Variants in COLGALT2 observed in about 807,000 individuals in gnomAD.
COLGALT2 encodes the protein procollagen galactosyltransferase 2.
Under a neutral mutation model 73.4 loss-of-function variants are expected in COLGALT2, and 49 were observed. The observed-to-expected ratio is 0.67, with a 90% CI of 0.53 to 0.85. COLGALT2 has a LOEUF of 0.85. Among genes scored for constraint, COLGALT2 ranks in the 40% least tolerant of loss-of-function variants. The pLI is 0.00. For missense variants in COLGALT2, 722 were observed against 790.2 expected, an observed-to-expected ratio of 0.91 and a Z score of 1.03; for synonymous variants, 295 against 307.6, an observed-to-expected ratio of 0.96 and a Z score of 0.43.
intron 1 of COLGALT2, among the ~76,000 whole-genome samples, chr1:184,013,262 C>T (rs1249850221): frequency 6.6e-6 from 1 of 152,206 alleles, no homozygotes; most frequent in Non-Finnish European, 1.5e-5. Context: ...TTGCAGCGAG[C>T]CAAGACTGTG....
intron 1 of COLGALT2, among the ~76,000 whole-genome samples, chr1:184,014,882 C>T (rs1051869635): frequency 1.3e-5 from 2 of 152,024 alleles, no homozygotes; most frequent in South Asian, 2.1e-4. Flanking sequence ...CTGAAAATGT[C>T]CATGGAAATG....
intron 1 of COLGALT2, among the ~76,000 whole-genome samples, chr1:183,986,893 C>A (rs1671504493): frequency 6.6e-6 from 1 of 152,078 alleles, no homozygotes; most frequent in Non-Finnish European, 1.5e-5. Context: ...TCCCTCAACA[C>A]CCACCCTCCC....
At chr1:183,992,126 C>G (rs948832582) in intron 1 of COLGALT2, among the ~76,000 whole-genome samples, 2 of 152,174 alleles carry the variant, frequency 1.3e-5, no homozygotes, top group African/African-American at 4.8e-5. Flanking sequence ...CTCATTTAAT[C>G]CTCACAGCAA....
intron 11 of COLGALT2, among the ~76,000 whole-genome samples, chr1:183,930,526 C>T (rs1669820858): frequency 6.6e-6 from 1 of 151,036 alleles, no homozygotes; most frequent in Admixed American, 6.6e-5. Flanking sequence ...GTAGCTGGGA[C>T]TACATCCGCA....
At chr1:184,019,351 G>A (rs907643884) in intron 1 of COLGALT2, among the ~76,000 whole-genome samples, 2 of 152,170 alleles carry the variant, frequency 1.3e-5, no homozygotes, top group African/African-American at 2.4e-5. Flanking sequence ...TCAGGACAGA[G>A]CTAATGGGTT....
At chr1:183,972,541 T>C (rs577293709) in intron 4 of COLGALT2, among the ~76,000 whole-genome samples, 2 of 152,060 alleles carry the variant, frequency 1.3e-5, no homozygotes, top group Non-Finnish European at 2.9e-5. Context: ...GACCACTATT[T>C]TGAAGATTTT....
downstream of COLGALT2, among the ~76,000 whole-genome samples, chr1:183,931,725 C>A (rs185058584): frequency 6.6e-6 from 1 of 151,398 alleles, no homozygotes; most frequent in African/African-American, 2.4e-5. Context: ...TTATTTCATA[C>A]CAAAGCATCA....
At chr1:183,963,351 TAATGAAACAAC>T (rs1670770273) in intron 6 of COLGALT2, among the ~76,000 whole-genome samples, 1 of 152,214 alleles carries the variant, frequency 6.6e-6, no homozygotes, top group African/African-American at 2.4e-5. Context: ...TTGCAAGGAT[TAATGAAACAAC>T]AATGAAACAG....
exon 12 of COLGALT2, chr1:183,930,134 A>T: frequency 2.2e-6 from 1 of 450,636 alleles, no homozygotes; most frequent in South Asian, 1.6e-5. Context: ...AGTACAGGGG[A>T]GGTGGGAAAT....
intron 1 of COLGALT2, among the ~76,000 whole-genome samples, chr1:184,000,986 C>T (rs375607540): frequency 2.6e-5 from 4 of 152,188 alleles, no homozygotes; most frequent in Admixed American, 2.0e-4. Flanking sequence ...CCCGCCACCA[C>T]GCCTGGCTAA....
At chr1:183,999,836 A>AT (rs1337506119) in intron 1 of COLGALT2, among the ~76,000 whole-genome samples, 1 of 152,084 alleles carries the variant, frequency 6.6e-6, no homozygotes, top group Non-Finnish European at 1.5e-5. Flanking sequence ...GACCAGTCTT[A>AT]CCAGGATTTT....
chr1:184,031,643 T>A (rs1292249889), intron 1 of COLGALT2, among the ~76,000 whole-genome samples: 1 of 152,218 alleles, frequency 6.6e-6, no homozygotes, highest in Non-Finnish European at 1.5e-5. Flanking sequence ...ACATCCTGGC[T>A]CCACCATGCA....
chr1:183,939,374 G>A (rs1262345188), intron 11 of COLGALT2, among the ~76,000 whole-genome samples: 2 of 152,144 alleles, frequency 1.3e-5, no homozygotes, highest in Non-Finnish European at 2.9e-5. Flanking sequence ...GCCCTGCTTT[G>A]GGATTAATAA....
At chr1:184,000,224 A>G (rs1671880084) in intron 1 of COLGALT2, among the ~76,000 whole-genome samples, 1 of 152,002 alleles carries the variant, frequency 6.6e-6, no homozygotes, top group Non-Finnish European at 1.5e-5. Flanking sequence ...TTTGGCCTCT[A>G]TGTGTCTATT....
intron 1 of COLGALT2, among the ~76,000 whole-genome samples, chr1:183,987,274 C>T (rs1014807671): frequency 6.6e-6 from 1 of 152,128 alleles, no homozygotes; most frequent in Non-Finnish European, 1.5e-5. Flanking sequence ...CTTTTTCACC[C>T]ACTCATCATG....
intron 1 of COLGALT2, among the ~76,000 whole-genome samples, chr1:184,027,945 G>A (rs1242122591): frequency 1.3e-5 from 2 of 152,034 alleles, no homozygotes; most frequent in East Asian, 1.9e-4. Context: ...ATACTCTCCC[G>A]CCCAACCTGT....
In COLGALT2 at chr1:183,962,127, GTTTTC is replaced by G. The variant is rs1376887394; in HGVS notation, c.952+1769_952+1773del. Among the ~76,000 whole-genome samples, 63 of 121,806 alleles carry G rather than the reference GTTTTC, an allele frequency of 5.2e-4. 1 individual carries two copies. Among genetic ancestry groups the G allele is most frequent in the Non-Finnish European group, 6.6e-4 (37 of 56,222 alleles). The allele number at this position is 121,806 out of a possible 152,430, so 79.9% of individuals were successfully genotyped here. A position where few individuals can be genotyped will look rare whatever the true frequency, so the allele number is the denominator to read the frequency against. On this transcript the variant is annotated intron_variant, in intron 6 of 11. Coordinates refer to ENST00000361927, the MANE Select transcript of COLGALT2 (RefSeq NM_015101.4). Reference sequence around the variant, plus strand: ...ATCTAAAAATAAACTCATGGTCTCTGTTTTCTTTTCTTTTCTTTTTCTCTTTCTTT... The same window carrying G: ...ATCTAAAAATAAACTCATGGTCTCTGTTTTCTTTTCTTTTTCTCTTTCTTT...
At chr1:183,949,872 T>C (rs1461682696) in intron 8 of COLGALT2, among the ~76,000 whole-genome samples, 3 of 152,166 alleles carry the variant, frequency 2.0e-5, no homozygotes, top group Non-Finnish European at 4.4e-5. Context: ...TAAAGAACTC[T>C]CACTACTCAA....
chr1:183,994,981 C>A (rs1028020781), intron 1 of COLGALT2, among the ~76,000 whole-genome samples: 2 of 152,006 alleles, frequency 1.3e-5, no homozygotes, highest in African/African-American at 2.4e-5. Context: ...CTTTTGAAAC[C>A]CTTCAGCTAT....
Sources: allele counts gnomAD v4.1 joint callset (sites outside exome capture counted in the v4.1 genomes callset), GRCh38; gene constraint gnomAD v4.1.1; transcripts MANE v1.5; gene names NCBI Gene and HGNC (gene_info 2026-07-23, HGNC 2026-07-21).